ACBD6: variants seen among roughly 807,000 people sequenced by gnomAD.
ACBD6 encodes acyl-CoA binding domain containing 6.
ACBD6 carries 28 observed loss-of-function variants against 37.2 expected under a neutral mutation model. The observed-to-expected ratio is 0.75, with a 90% CI of 0.56 to 1.03. The LOEUF is 1.03. Among genes scored for constraint, ACBD6 ranks in the 50% least tolerant of loss-of-function variants. The pLI, the probability that ACBD6 is intolerant of heterozygous loss-of-function variation, is 0.00. For synonymous variants in ACBD6, 113 were observed against 126.8 expected, an observed-to-expected ratio of 0.89 and a Z score of 0.73; for missense variants, 340 against 337.4, an observed-to-expected ratio of 1.01 and a Z score of -0.06.
intron 3 of ACBD6, among the ~76,000 whole-genome samples, chr1:180,489,919 A>G (rs979290228): frequency 1.5e-4 from 23 of 152,152 alleles, no homozygotes; most frequent in African/African-American, 4.8e-4. Flanking sequence ...TCAGCCTCCC[A>G]AAGTGTTGGG....
chr1:180,487,056 G>T (rs1227044393), intron 3 of ACBD6, among the ~76,000 whole-genome samples: 1 of 152,106 alleles, frequency 6.6e-6, no homozygotes, highest in Admixed American at 6.5e-5. Flanking sequence ...TCCATTAGAG[G>T]AGACTAAAGA....
At chr1:180,458,598 C>A (rs4609392) in intron 3 of ACBD6, among the ~76,000 whole-genome samples, 1 of 152,204 alleles carries the variant, frequency 6.6e-6, no homozygotes, top group Non-Finnish European at 1.5e-5. Context: ...TAACCAGGGC[C>A]TAAAAAAACA....
chr1:180,322,687 G>C (rs1412567760), intron 6 of ACBD6, among the ~76,000 whole-genome samples: 2 of 150,078 alleles, frequency 1.3e-5, no homozygotes, highest in African/African-American at 2.4e-5. Context: ...TTGAATTTCA[G>C]TGGTATTGGC....
rs149470625 is a variant in ACBD6 at position 180,487,595 on chromosome 1, C to T, written c.384+4674G>A. Among the ~76,000 whole-genome samples, 315 of 152,182 alleles carry T rather than the reference C, an allele frequency of 2.1e-3. 1 individual carries two copies. The highest frequency in any genetic ancestry group is 6.9e-3 in the African/African-American group (285 of 41,512). On this transcript the variant is annotated intron_variant, in intron 3 of 7. Transcript: ENST00000367595. ...TAACCATTATTTTACTTAATAATGG[C>T]CCCAAAGTACAAGAGTTGTGATAAT...
Position 180,497,161 on chromosome 1 carries a change from A to G in ACBD6, c.223-1636T>C, listed in dbSNP as rs558912420. Among the ~76,000 whole-genome samples the G allele has an allele frequency of 6.1e-4, 93 of 152,364 alleles. 1 individual carries two copies. Among genetic ancestry groups the G allele is most frequent in the Admixed American group, 4.0e-3 (61 of 15,302 alleles). On this transcript the variant is annotated intron_variant, in intron 1 of 7. Transcript: ENST00000367595. ...ACTTTAAGACATAAAAATAGCAATT[A>G]TAACTATTTTTGTTTTTTATCCAGA...
At chr1:180,385,952 T>C (rs943137814) in intron 6 of ACBD6, among the ~76,000 whole-genome samples, 4 of 152,138 alleles carry the variant, frequency 2.6e-5, no homozygotes, top group Non-Finnish European at 5.9e-5. Context: ...GGTGGACCAC[T>C]TGAGGTCAGA....
chr1:180,421,787 CAT>C (rs148076185), intron 4 of ACBD6, among the ~76,000 whole-genome samples: 3,311 of 152,114 alleles, frequency 0.022, 108 homozygotes, highest in African/African-American at 0.07. Flanking sequence ...CTTTTTTTCA[CAT>C]GTTTGTTGGC....
chr1:180,497,952 G>C (rs930120821), intron 1 of ACBD6, among the ~76,000 whole-genome samples: 5 of 152,128 alleles, frequency 3.3e-5, no homozygotes, highest in African/African-American at 7.2e-5. Context: ...GTTGCAACGA[G>C]GAATCTGAAC....
intron 5 of ACBD6, among the ~76,000 whole-genome samples, chr1:180,406,647 A>G (rs972691134): frequency 2.6e-5 from 4 of 152,186 alleles, no homozygotes; most frequent in African/African-American, 9.6e-5. Flanking sequence ...ATGTGTGGGA[A>G]TACAAATGTA....
intron 6 of ACBD6, among the ~76,000 whole-genome samples, chr1:180,318,175 C>CG (rs10632390): frequency 0.016 from 1,614 of 102,678 alleles, 75 homozygotes; most frequent in Middle Eastern, 0.027. Flanking sequence ...CCCCCCCCCC[C>CG]AAAAAAAAAA....
At chr1:180,472,267 A>G (rs1271625121) in intron 3 of ACBD6, among the ~76,000 whole-genome samples, 1 of 152,228 alleles carries the variant, frequency 6.6e-6, no homozygotes, top group Non-Finnish European at 1.5e-5. Flanking sequence ...GTTGATGTGT[A>G]ACGTTTAGGT....
In ACBD6 at chr1:180,502,258, T is replaced by C. The variant is rs765423449; in HGVS notation, c.9A>G (p.Ser3=). 3 of 1,613,108 alleles carry C rather than the reference T, an allele frequency of 1.9e-6. No individual in the cohort carries two copies. In the Admixed American group the frequency reaches 5.0e-5, roughly 27 times the overall value. ...TGATGGCCCCCGCGGGCAGGAATGA[T>C]GAAGCCATGTCTCCTTGCTCGCTCC... The part of the protein sequence containing the change: MA[S]SFLPAGAITG... The change falls in exon 1 of 8, where the codon TCA becomes TCG. Residue 3 remains serine, a synonymous_variant. Coordinates refer to ENST00000367595, the MANE Select transcript of ACBD6 (RefSeq NM_032360.4).
chr1:180,357,001 A>G lies in ACBD6; in HGVS notation c.663+40515T>C, dbSNP rs189104635. Among the ~76,000 whole-genome samples, 169 of 152,322 alleles carry G rather than the reference A, an allele frequency of 1.1e-3. 1 individual carries two copies. The highest frequency in any genetic ancestry group is 4.0e-3 in the African/African-American group (165 of 41,580). The stretch of plus-strand genomic sequence containing the variant: ...ATGACTGACAGGAAGAGAAGATTAC[A>G]TTATTTGGAAAGAGACAAGGAAAAA... On this transcript the variant is annotated intron_variant, in intron 6 of 7. Transcript: ENST00000367595.
chr1:180,321,219 T>A (rs1651057233), intron 6 of ACBD6, among the ~76,000 whole-genome samples: 1 of 152,206 alleles, frequency 6.6e-6, no homozygotes, highest in African/African-American at 2.4e-5. Flanking sequence ...TGCAGTCAGA[T>A]AATGTGACCC....
At position 180,288,558 on chromosome 1, in the gene ACBD6, G is replaced by C. The variant is rs763642558; in HGVS notation, c.695-41C>G. On this transcript the variant is annotated intron_variant, in intron 7 of 7. Transcript: ENST00000367595. ...ACAAATATGAAAACAAGTTTACCAA[G>C]AGACAGAGAAACTCCTCTACTTCAG... The C allele has an allele frequency of 2.5e-6, 4 of 1,580,574 alleles. No individual in the cohort carries two copies. In the South Asian group the frequency reaches 3.4e-5, roughly 14 times the overall value.
chr1:180,293,290 T>C (rs1649786985), intron 7 of ACBD6, among the ~76,000 whole-genome samples: 1 of 128,156 alleles, frequency 7.8e-6, no homozygotes, highest in Admixed American at 9.7e-5. Flanking sequence ...TGTTTGTGTG[T>C]AGAATTTTTT....
intron 6 of ACBD6, among the ~76,000 whole-genome samples, chr1:180,318,164 C>CCA (rs1553291897): frequency 1.5e-4 from 1 of 6,460 alleles, no homozygotes; most frequent in Non-Finnish European, 5.1e-4. Flanking sequence ...TCCATCTCCG[C>CCA]CCCCCCCCCC....
Position 180,499,356 on chromosome 1 carries a change from G to A in ACBD6, c.222+2689C>T, listed in dbSNP as rs570954276. Among the ~76,000 whole-genome samples the A allele has an allele frequency of 2.0e-5, 3 of 152,250 alleles. No individual in the cohort carries two copies. In the East Asian group the frequency reaches 5.8e-4, roughly 29 times the overall value. Reference sequence around the variant, plus strand: ...GCGGCCCAGTGTCATATATAAGTAAGCATATTATTCTCTAACAATGCAGAA... The same window carrying A: ...GCGGCCCAGTGTCATATATAAGTAAACATATTATTCTCTAACAATGCAGAA... On this transcript the variant is annotated intron_variant, in intron 1 of 7. Coordinates refer to ENST00000367595, the MANE Select transcript of ACBD6 (RefSeq NM_032360.4).
At chr1:180,496,279 T>C (rs901451221) in intron 1 of ACBD6, among the ~76,000 whole-genome samples, 3 of 152,202 alleles carry the variant, frequency 2.0e-5, no homozygotes, top group African/African-American at 7.2e-5. Context: ...GTCATCTTCC[T>C]TCCTTATGAA....
Sources: allele counts gnomAD v4.1 joint callset (sites outside exome capture counted in the v4.1 genomes callset), GRCh38; gene constraint gnomAD v4.1.1; transcripts MANE v1.5; gene names NCBI Gene and HGNC (gene_info 2026-07-23, HGNC 2026-07-21).